LRMDA: variants seen among roughly 807,000 people sequenced by gnomAD.
LRMDA encodes leucine-rich melanocyte differentiation-associated protein.
In LRMDA, 18 loss-of-function variants were observed where a neutral mutation model predicts 29.8. The ratio of observed to expected loss-of-function variants is 0.60; its 90% confidence interval spans 0.42 to 0.90. The LOEUF (loss-of-function observed/expected upper bound fraction) is 0.90. Ranked by LOEUF, LRMDA falls within the 40% of genes least tolerant of loss-of-function variation. The probability of loss-of-function intolerance (pLI) is 0.00; values close to 1 mark genes in which losing one functional copy is unlikely to be tolerated. For missense variants in LRMDA, 273 were observed against 273.9 expected (o/e 1.00, Z 0.02); for synonymous variants, 125 against 109.4 (o/e 1.14, Z -0.89).
At chr10:76,554,862 T>C (rs1264438851) in intron 6 of LRMDA, among the ~76,000 whole-genome samples, 1 of 66,098 alleles carries the variant, frequency 1.5e-5, no homozygotes, top group Non-Finnish European at 4.1e-5. Flanking sequence ...AGGGCACTCA[T>C]GGTGGGTGGT....
At chr10:76,490,467 T>C (rs1394118041) in intron 6 of LRMDA, among the ~76,000 whole-genome samples, 1 of 151,930 alleles carries the variant, frequency 6.6e-6, no homozygotes, top group Non-Finnish European at 1.5e-5. Context: ...ACTCCAGTGT[T>C]CAGTGCATAT....
chr10:75,690,715 T>C (rs1842133965), intron 2 of LRMDA, among the ~76,000 whole-genome samples: 1 of 151,808 alleles, frequency 6.6e-6, no homozygotes, highest in African/African-American at 2.4e-5. Flanking sequence ...CCCAGCACTT[T>C]GGGAAACTGA....
chr10:76,302,045 G>C (rs1840487947), intron 5 of LRMDA, among the ~76,000 whole-genome samples: 2 of 152,142 alleles, frequency 1.3e-5, no homozygotes, highest in Admixed American at 6.5e-5. Flanking sequence ...TCAGTTTTGA[G>C]GACAGAATCT....
chr10:75,684,330 C>T (rs942665167), intron 2 of LRMDA, among the ~76,000 whole-genome samples: 2 of 152,058 alleles, frequency 1.3e-5, no homozygotes, highest in African/African-American at 4.8e-5. Context: ...ACCTGCTGTG[C>T]GTTGTTGTTA....
intron 6 of LRMDA, among the ~76,000 whole-genome samples, chr10:76,436,152 T>C (rs1210758076): frequency 1.3e-5 from 2 of 152,220 alleles, no homozygotes; most frequent in Admixed American, 6.5e-5. Context: ...ATGTCTCTGA[T>C]GTTCTCATGT....
At chr10:76,011,659 G>T (rs531012703) in intron 2 of LRMDA, among the ~76,000 whole-genome samples, 24 of 152,330 alleles carry the variant, frequency 1.6e-4, no homozygotes, top group African/African-American at 5.8e-4. Flanking sequence ...ACGCCTCCGA[G>T]CCTCAGTCTT....
At chr10:76,412,433 TAC>T (rs1230979176) in intron 6 of LRMDA, among the ~76,000 whole-genome samples, 6 of 152,230 alleles carry the variant, frequency 3.9e-5, no homozygotes, top group Non-Finnish European at 8.8e-5. Context: ...GGGTTAACCA[TAC>T]TGTGGCTTTT....
chr10:76,527,968 A>G (rs1843195685), intron 6 of LRMDA, among the ~76,000 whole-genome samples: 1 of 152,184 alleles, frequency 6.6e-6, no homozygotes, highest in African/African-American at 2.4e-5. Flanking sequence ...ACCATGAGCA[A>G]TATTCACTCT....
chr10:75,532,131 A>G (rs956579041), intron 2 of LRMDA, among the ~76,000 whole-genome samples: 2 of 151,590 alleles, frequency 1.3e-5, no homozygotes, highest in African/African-American at 4.8e-5. Flanking sequence ...CTTAAAGGAA[A>G]CCAGTGTCCC....
chr10:75,551,200 G>T (rs1840139168), intron 2 of LRMDA, among the ~76,000 whole-genome samples: 2 of 146,268 alleles, frequency 1.4e-5, no homozygotes. Context: ...GAGGAAGGAT[G>T]TTCCACAGAA....
intron 6 of LRMDA, among the ~76,000 whole-genome samples, chr10:76,446,882 C>T (rs1437063993): frequency 3.3e-5 from 5 of 152,136 alleles, no homozygotes; most frequent in Non-Finnish European, 4.4e-5. Flanking sequence ...ATTTATTATG[C>T]TCAGCTGAGT....
intron 5 of LRMDA, among the ~76,000 whole-genome samples, chr10:76,156,241 T>G (rs2132171644): frequency 6.6e-6 from 1 of 152,258 alleles, no homozygotes; most frequent in East Asian, 1.9e-4. Flanking sequence ...ACCAGCAGTC[T>G]CCAAGGGCTC....
At chr10:76,523,914 G>A (rs1843147578) in intron 6 of LRMDA, among the ~76,000 whole-genome samples, 1 of 152,206 alleles carries the variant, frequency 6.6e-6, no homozygotes, top group Non-Finnish European at 1.5e-5. Context: ...TTCTCAGCCT[G>A]TGCCGAGTGA....
chr10:75,885,211 G>A (rs1451083693), intron 2 of LRMDA, among the ~76,000 whole-genome samples: 9 of 152,180 alleles, frequency 5.9e-5, no homozygotes, highest in Non-Finnish European at 5.9e-5. Flanking sequence ...CAATGCTGCC[G>A]CCACATCCTG....
intron 6 of LRMDA, among the ~76,000 whole-genome samples, chr10:76,400,911 G>C (rs996472460): frequency 9.2e-5 from 14 of 152,104 alleles, no homozygotes; most frequent in Non-Finnish European, 1.8e-4. Context: ...TGAGAATTTG[G>C]GGTTTTGGGG....
intron 2 of LRMDA, among the ~76,000 whole-genome samples, chr10:76,030,764 G>C (rs1425762704): frequency 1.3e-5 from 2 of 152,224 alleles, no homozygotes; most frequent in African/African-American, 2.4e-5. Context: ...ACTCCAGCCT[G>C]ATGACAGAGT....
chr10:76,527,231 T>C (rs1440650891), intron 6 of LRMDA, among the ~76,000 whole-genome samples: 1 of 152,090 alleles, frequency 6.6e-6, no homozygotes, highest in Non-Finnish European at 1.5e-5. Flanking sequence ...ATGTGCTGTC[T>C]TCTGAGGGCA....
chr10:76,557,297 T>G lies in LRMDA; in HGVS notation c.*9T>G. On this transcript the variant is annotated 3_prime_UTR_variant, in exon 7 of 7. Transcript: ENST00000611255. ...GAGATGACCAGCTCTGAAGCCAACTTCTGTATACCTTCACCCATTTCATGA... is the reference window on the plus strand; with the variant it reads ...GAGATGACCAGCTCTGAAGCCAACTGCTGTATACCTTCACCCATTTCATGA... 1.3e-6 allele frequency: 2 copies of G among 1,596,256 alleles called. No individual in the cohort carries two copies. Among genetic ancestry groups the G allele is most frequent in the Non-Finnish European group, 1.7e-6 (2 of 1,163,822 alleles).
intron 6 of LRMDA, among the ~76,000 whole-genome samples, chr10:76,455,763 G>A (rs895245173): frequency 1.3e-5 from 2 of 152,168 alleles, no homozygotes; most frequent in Non-Finnish European, 2.9e-5. Context: ...GGGGATCAGA[G>A]GGTATATGAC....
Sources: allele counts gnomAD v4.1 joint callset (sites outside exome capture counted in the v4.1 genomes callset), GRCh38; gene constraint gnomAD v4.1.1; transcripts MANE v1.5; gene names NCBI Gene and HGNC (gene_info 2026-07-23, HGNC 2026-07-21).